Variants in VWC2 observed in about 807,000 individuals in gnomAD.
VWC2 encodes the protein brorin.
A neutral mutation model predicts 29.8 loss-of-function variants in VWC2; 14 were observed. The ratio of observed to expected loss-of-function variants is 0.47; its 90% CI spans 0.31 to 0.74. VWC2 has a LOEUF of 0.74. Ranked by LOEUF, VWC2 falls within the 30% of genes least tolerant of loss-of-function variation. The pLI, the probability that VWC2 is intolerant of heterozygous loss-of-function variation, is 0.05. For missense variants in VWC2, 457 were observed against 459.8 expected, an observed-to-expected ratio of 0.99 and a Z score of 0.05; for synonymous variants, 213 against 199.0, an observed-to-expected ratio of 1.07 and a Z score of -0.59.
chr7:49,781,769 G>A (rs1788183572), intron 2 of VWC2, among the ~76,000 whole-genome samples: 1 of 152,138 alleles, frequency 6.6e-6, no homozygotes, highest in Non-Finnish European at 1.5e-5. Flanking sequence ...TGATCCACTT[G>A]GCTAAGCATT....
At chr7:49,823,771 G>A (rs1383834501) in intron 3 of VWC2, among the ~76,000 whole-genome samples, 2 of 152,154 alleles carry the variant, frequency 1.3e-5, no homozygotes, top group Non-Finnish European at 2.9e-5. Context: ...TGCCTTGGTT[G>A]CCTTGGTACT....
At chr7:49,897,117 G>C (rs1297762943) in intron 3 of VWC2, among the ~76,000 whole-genome samples, 1 of 151,612 alleles carries the variant, frequency 6.6e-6, no homozygotes, top group Non-Finnish European at 1.5e-5. Context: ...GGATGGTCTC[G>C]ATCTCCTGAC....
At chr7:49,888,779 C>G (rs1421091521) in intron 3 of VWC2, among the ~76,000 whole-genome samples, 1 of 152,150 alleles carries the variant, frequency 6.6e-6, no homozygotes, top group Non-Finnish European at 1.5e-5. Flanking sequence ...GGCGTGGTGG[C>G]AGGCGCCTGT....
rs1229373763 is a variant in VWC2 at position 49,774,003 on chromosome 7, C to G, written c.-214C>G. ...GCTGGGCTGTTAGTGGTCCGCCCCA[C>G]GCGGGTCGCCGGCCGGCCCAGGATG... On this transcript the variant is annotated 5_prime_UTR_variant, in exon 1 of 4. Transcript: ENST00000340652. 1 of 151,908 alleles carries G rather than the reference C, an allele frequency of 6.6e-6. No individual in the cohort carries two copies. The highest frequency in any genetic ancestry group is 2.1e-4 in the South Asian group (1 of 4,828). 9.4% of individuals were successfully genotyped at this position (151,908 alleles called of 1,614,324 possible). A position where few individuals can be genotyped will look rare whatever the true frequency, so the allele number is the denominator to read the frequency against.
chr7:49,788,516 AGT>A (rs1485147270), intron 2 of VWC2, among the ~76,000 whole-genome samples: 2 of 148,162 alleles, frequency 1.3e-5, no homozygotes, highest in Non-Finnish European at 3.0e-5. Flanking sequence ...AGTGTGTGTG[AGT>A]GTGGGTGTGA....
intron 3 of VWC2, among the ~76,000 whole-genome samples, chr7:49,826,351 T>G (rs1298884803): frequency 6.6e-6 from 1 of 152,148 alleles, no homozygotes; most frequent in Non-Finnish European, 1.5e-5. Context: ...AAGAATAATC[T>G]CCTTTAAAAC....
intron 2 of VWC2, among the ~76,000 whole-genome samples, chr7:49,787,566 G>A (rs1013239507): frequency 3.3e-5 from 5 of 152,212 alleles, no homozygotes; most frequent in Non-Finnish European, 5.9e-5. Context: ...GATGTGCAGG[G>A]AGCCAGCAGG....
chr7:49,862,750 T>A (rs1295466317), intron 3 of VWC2, among the ~76,000 whole-genome samples: 1 of 152,102 alleles, frequency 6.6e-6, no homozygotes, highest in Non-Finnish European at 1.5e-5. Context: ...TTCTTCATTC[T>A]GTTAATGTGT....
In VWC2 at chr7:49,913,344, T is replaced by C. The variant is rs1346546503; in HGVS notation, c.*1159T>C. 1 of 152,210 alleles carries C rather than the reference T, an allele frequency of 6.6e-6. No homozygotes were observed. Among genetic ancestry groups the C allele is most frequent in the Admixed American group, 6.5e-5 (1 of 15,268 alleles). The allele number at this position is 152,210 out of a possible 1,614,324, so 9.4% of individuals were successfully genotyped here. On this transcript the variant is annotated 3_prime_UTR_variant, in exon 4 of 4. Transcript: ENST00000340652. ...TTGAACAGAGAACATAAAAAGCCAC[T>C]GCAAAGTCCTGCTAATCTAATTAAT... is the stretch of plus-strand genomic sequence containing the variant.
intron 3 of VWC2, chr7:49,850,540 C>T (rs1010971562): frequency 7.2e-5 from 11 of 152,228 alleles, no homozygotes; most frequent in Non-Finnish European, 5.9e-5. Flanking sequence ...AGCATTAGCT[C>T]ACAGGTGCAT....
rs547549847 is a variant in VWC2, at chr7:49,791,352, A to G, written c.697-11359A>G. Among the ~76,000 whole-genome samples the G allele has an allele frequency of 7.2e-5, 11 of 152,340 alleles. No homozygotes were observed. In the East Asian group the frequency reaches 1.2e-3, roughly 16 times the overall value. ...GGCTACGCGGAGAGACTGCTTTGTCATTCATGCCTTTCACTAACTTCTTAA... is the reference window on the plus strand; with the variant it reads ...GGCTACGCGGAGAGACTGCTTTGTCGTTCATGCCTTTCACTAACTTCTTAA... On this transcript the variant is annotated intron_variant, in intron 2 of 3. Coordinates refer to ENST00000340652, the MANE Select transcript of VWC2 (RefSeq NM_198570.5).
chr7:49,790,733 T>C (rs1477118070), intron 2 of VWC2, among the ~76,000 whole-genome samples: 1 of 151,048 alleles, frequency 6.6e-6, no homozygotes, highest in Non-Finnish European at 1.5e-5. Context: ...AGGGCCAGAG[T>C]CCCCAGGTGG....
intron 3 of VWC2, among the ~76,000 whole-genome samples, chr7:49,837,329 G>A (rs1395423575): frequency 1.3e-5 from 2 of 152,302 alleles, no homozygotes; most frequent in African/African-American, 2.4e-5. Flanking sequence ...GCTGAAAATT[G>A]TGTCTATCTT....
intron 3 of VWC2, among the ~76,000 whole-genome samples, chr7:49,911,397 G>T (rs924515831): frequency 6.9e-6 from 1 of 144,480 alleles, no homozygotes; most frequent in Non-Finnish European, 1.5e-5. Flanking sequence ...CAGGAGAATC[G>T]CTTGAACCCC....
intron 2 of VWC2, among the ~76,000 whole-genome samples, chr7:49,783,611 T>C (rs1788226480): frequency 6.6e-6 from 1 of 152,216 alleles, no homozygotes; most frequent in Admixed American, 6.5e-5. Flanking sequence ...ATACTTCTCA[T>C]TCTATTTCTG....
chr7:49,842,552 C>T (rs893186437), intron 3 of VWC2, among the ~76,000 whole-genome samples: 1 of 152,126 alleles, frequency 6.6e-6, no homozygotes, highest in African/African-American at 2.4e-5. Context: ...GAATCCACAC[C>T]CTTACCTGTA....
chr7:49,885,466 G>A, intron 3 of VWC2, among the ~76,000 whole-genome samples: 1 of 152,090 alleles, frequency 6.6e-6, no homozygotes. Flanking sequence ...ATGTAAGATA[G>A]CAGATTAACT....
chr7:49,872,308 G>A (rs1439399826), intron 3 of VWC2, among the ~76,000 whole-genome samples: 1 of 152,028 alleles, frequency 6.6e-6, no homozygotes, highest in Non-Finnish European at 1.5e-5. Flanking sequence ...AACATGAAAG[G>A]TCTTGGATTT....
At chr7:49,789,250 T>TG (rs1040239881) in intron 2 of VWC2, among the ~76,000 whole-genome samples, 1 of 145,734 alleles carries the variant, frequency 6.9e-6, no homozygotes, top group Non-Finnish European at 1.5e-5. Flanking sequence ...AGTGTAGGTG[T>TG]GGGAGTGGGT....
Sources: allele counts gnomAD v4.1 joint callset (sites outside exome capture counted in the v4.1 genomes callset), GRCh38; gene constraint gnomAD v4.1.1; transcripts MANE v1.5; gene names NCBI Gene and HGNC (gene_info 2026-07-23, HGNC 2026-07-21).